The following NRG3 variants were observed in gnomAD, a reference collection of about 807,000 sequenced individuals.
The protein encoded by NRG3 is neuregulin 3.
Under a neutral mutation model 66.9 loss-of-function variants are expected in NRG3, and 31 were observed. The ratio of observed to expected loss-of-function variants is 0.46; its 90% confidence interval spans 0.35 to 0.63. The LOEUF (loss-of-function observed/expected upper bound fraction) is 0.63, where lower values mean the gene tolerates loss of function less well. Among genes scored for constraint, NRG3 ranks in the 20% least tolerant of loss-of-function variants. The probability of loss-of-function intolerance (pLI) is 0.00; values close to 1 mark genes in which losing one functional copy is unlikely to be tolerated. For missense variants in NRG3, 910 were observed against 878.9 expected (o/e 1.04, Z -0.45); for synonymous variants, 393 against 359.4 (o/e 1.09, Z -1.06).
At chr10:82,103,792 C>A (rs543711380) in intron 1 of NRG3, among the ~76,000 whole-genome samples, 207 of 152,154 alleles carry the variant, frequency 1.4e-3, no homozygotes, top group African/African-American at 4.8e-3. Flanking sequence ...CTTTTACGTG[C>A]CTGGGCTGCC....
chr10:82,388,621 TGAA>T (rs1299768612), intron 2 of NRG3, among the ~76,000 whole-genome samples: 1 of 152,190 alleles, frequency 6.6e-6, no homozygotes, highest in African/African-American at 2.4e-5. Flanking sequence ...TCTAAATATG[TGAA>T]GAAGTGCAGA....
At position 82,358,824 on chromosome 10, in the gene NRG3, G is replaced by A. The variant is rs1242059512; in HGVS notation, c.909G>A (p.Glu303=). The change falls in exon 2 of 9, where the codon GAG becomes GAA. Residue 303 remains glutamate, a synonymous_variant. Coordinates refer to ENST00000372141, the MANE Select transcript of NRG3 (RefSeq NM_001010848.4). ...TTGCATACTGTCTCAATGATGGCGA[G>A]TGCTTTGTGATCGAAACCCTGACCG... ...KDLAYCLNDG[E]CFVIETLTGS... is the part of the protein sequence containing the mutation. 1.2e-6 allele frequency: 2 copies of A among 1,614,054 alleles called. No homozygotes were observed. Among genetic ancestry groups the A allele is most frequent in the African/African-American group, 2.7e-5 (2 of 74,934 alleles).
intron 1 of NRG3, among the ~76,000 whole-genome samples, chr10:82,338,144 A>G (rs183077060): frequency 6.6e-6 from 1 of 152,344 alleles, no homozygotes; most frequent in Non-Finnish European, 1.5e-5. Context: ...ACTTTTATGG[A>G]ATAATGCAGA....
intron 1 of NRG3, among the ~76,000 whole-genome samples, chr10:82,243,524 T>A (rs1564702898): frequency 6.6e-6 from 1 of 152,056 alleles, no homozygotes; most frequent in African/African-American, 2.4e-5. Flanking sequence ...TCTTTAGAAA[T>A]AAAAATTAAG....
chr10:82,743,501 C>A (rs900040564), intron 3 of NRG3, among the ~76,000 whole-genome samples: 6 of 152,074 alleles, frequency 3.9e-5, no homozygotes, highest in Non-Finnish European at 8.8e-5. Context: ...AAAAAACAAT[C>A]TTCGGTAGAG....
At chr10:82,278,241 A>C (rs944321768) in intron 1 of NRG3, among the ~76,000 whole-genome samples, 1 of 152,000 alleles carries the variant, frequency 6.6e-6, no homozygotes, top group Non-Finnish European at 1.5e-5. Flanking sequence ...GGTTTCTTTC[A>C]TTTGACTGCA....
intron 1 of NRG3, among the ~76,000 whole-genome samples, chr10:82,240,748 A>G (rs1448819491): frequency 6.6e-6 from 1 of 152,162 alleles, no homozygotes; most frequent in Non-Finnish European, 1.5e-5. Context: ...TTCTTTATGA[A>G]TGTTGATACA....
At chr10:82,498,189 G>A (rs1018360347) in intron 2 of NRG3, among the ~76,000 whole-genome samples, 1 of 150,156 alleles carries the variant, frequency 6.7e-6, no homozygotes, top group Admixed American at 6.6e-5. Context: ...TTATTTTATA[G>A]CTTATCTTTT....
At chr10:82,755,553 G>A (rs2134994411) in intron 3 of NRG3, among the ~76,000 whole-genome samples, 1 of 152,244 alleles carries the variant, frequency 6.6e-6, no homozygotes, top group South Asian at 2.1e-4. Flanking sequence ...GGCTGCAGCA[G>A]AATAAGGGAA....
chr10:82,761,922 CTCTTTCTTTCTTTCTTTCTTTCTT>C (rs140350240), intron 3 of NRG3, among the ~76,000 whole-genome samples: 41 of 123,852 alleles, frequency 3.3e-4, no homozygotes, highest in East Asian at 2.2e-3. Context: ...TTCTTTCTTT[CTCTTTCTTTCTTTCTTTCTTTCTT>C]TCTTTCTTTC....
chr10:82,780,508 G>T (rs2060081541), intron 3 of NRG3, among the ~76,000 whole-genome samples: 1 of 113,334 alleles, frequency 8.8e-6, no homozygotes. Flanking sequence ...GGTCAATCAA[G>T]TTGTGATTTC....
chr10:82,548,567 G>A (rs7916407), intron 2 of NRG3, among the ~76,000 whole-genome samples: 8,847 of 143,622 alleles, frequency 0.062, 584 homozygotes, highest in East Asian at 0.17. Context: ...ACACGCACAC[G>A]CACAATCCAG....
intron 1 of NRG3, among the ~76,000 whole-genome samples, chr10:82,277,392 G>C (rs1184985286): frequency 6.6e-6 from 1 of 151,986 alleles, no homozygotes; most frequent in African/African-American, 2.4e-5. Flanking sequence ...AAACAATAAA[G>C]ACTATAAGGT....
At position 82,172,691 on chromosome 10, in the gene NRG3, T is replaced by A. The variant is rs538218117; in HGVS notation, c.824-186048T>A. Among the ~76,000 whole-genome samples the A allele has an allele frequency of 1.1e-4, 16 of 152,234 alleles. No homozygotes were observed. The South Asian group carries it at 3.1e-3, about 30-fold the overall frequency. ...ATCTCTATCTCCATGCCTGGGGTCA[T>A]GCCTTTATGCATGTAAATTTAATGG... On this transcript the variant is annotated intron_variant, in intron 1 of 8. Transcript: ENST00000372141.
chr10:82,662,537 GAGAC>G (rs1465994301), intron 2 of NRG3, among the ~76,000 whole-genome samples: 3 of 152,162 alleles, frequency 2.0e-5, no homozygotes, highest in Admixed American at 6.5e-5. Flanking sequence ...CTCAGTACCA[GAGAC>G]AGACAGTCAA....
intron 1 of NRG3, among the ~76,000 whole-genome samples, chr10:82,223,293 A>G (rs1189581638): frequency 2.0e-5 from 3 of 152,156 alleles, no homozygotes; most frequent in Admixed American, 2.0e-4. Flanking sequence ...AGATAATCTC[A>G]GGGTGTGTGT....
intron 1 of NRG3, among the ~76,000 whole-genome samples, chr10:81,925,496 C>A (rs12260438): frequency 0.031 from 4,703 of 152,156 alleles, 279 homozygotes; most frequent in African/African-American, 0.11. Flanking sequence ...TTATCATACT[C>A]CAGGGAAATT....
chr10:82,557,276 T>C (rs994929387), intron 2 of NRG3, among the ~76,000 whole-genome samples: 14 of 152,318 alleles, frequency 9.2e-5, no homozygotes, highest in Admixed American at 6.5e-4. Context: ...AGTGTTCCCT[T>C]TTCTTCACAA....
At chr10:82,170,777 T>C (rs1359239323) in intron 1 of NRG3, among the ~76,000 whole-genome samples, 1 of 148,064 alleles carries the variant, frequency 6.8e-6, no homozygotes, top group Non-Finnish European at 1.5e-5. Context: ...TTTTCAAAAT[T>C]GCCATTCGAT....
Sources: gnomAD v4.1 joint callset for allele counts (sites outside exome capture counted in the v4.1 genomes callset) on GRCh38, gnomAD v4.1.1 for gene constraint, MANE v1.5 for transcripts, NCBI Gene and HGNC (gene_info 2026-07-23, HGNC 2026-07-21) for gene names.